Variants in SFT2D2 observed in about 807,000 individuals in gnomAD.
SFT2D2 encodes the protein vesicle transport protein SFT2B.
In SFT2D2, 21 loss-of-function variants were observed where a neutral mutation model predicts 27.4. The ratio of observed to expected loss-of-function variants is 0.77; its 90% CI spans 0.54 to 1.10. The LOEUF (loss-of-function observed/expected upper bound fraction) is 1.10, where lower values mean the gene tolerates loss of function less well. Ranked by LOEUF, SFT2D2 falls within the 50% of genes least tolerant of loss-of-function variation. SFT2D2 has a pLI of 0.00. For synonymous variants in SFT2D2, 72 were observed against 71.7 expected (o/e 1.00, Z -0.02); for missense variants, 187 against 194.2 (o/e 0.96, Z 0.22).
intron 1 of SFT2D2, among the ~76,000 whole-genome samples, chr1:168,230,099 G>A (rs1411006231): frequency 2.6e-5 from 4 of 152,070 alleles, no homozygotes; most frequent in African/African-American, 7.2e-5. Flanking sequence ...TTGGCAATAC[G>A]TGCCACACCT....
Position 168,229,184 on chromosome 1 carries a change from T to A in SFT2D2, c.64-2330T>A, listed in dbSNP as rs956341650. ...ACCAGAAACACATTCTTGGCTGAAC[T>A]GCTTCCTATTGTGGTTATTTTGATT... On this transcript the variant is annotated intron_variant, in intron 1 of 7. Coordinates refer to ENST00000271375, the MANE Select transcript of SFT2D2 (RefSeq NM_199344.3). Among the ~76,000 whole-genome samples, 12 of 152,176 alleles carry A rather than the reference T, an allele frequency of 7.9e-5. 1 individual carries two copies. The East Asian group carries it at 2.3e-3, about 29-fold the overall frequency.
At chr1:168,227,480 C>G (rs1237421392) in intron 1 of SFT2D2, among the ~76,000 whole-genome samples, 1 of 152,214 alleles carries the variant, frequency 6.6e-6, no homozygotes, top group Non-Finnish European at 1.5e-5. Context: ...AGATTGCTCT[C>G]TGAATCTTCA....
intron 3 of SFT2D2, among the ~76,000 whole-genome samples, chr1:168,232,133 G>A (rs756879872): frequency 2.0e-5 from 3 of 152,266 alleles, no homozygotes; most frequent in Non-Finnish European, 4.4e-5. Flanking sequence ...TTTTGCCATC[G>A]TGATTTTACA....
chr1:168,235,003 G>A (rs1485119767), intron 3 of SFT2D2, 98 bp from the exon 4 acceptor site: 4 of 1,038,396 alleles, frequency 3.9e-6, no homozygotes, highest in Non-Finnish European at 6.1e-6. Flanking sequence ...CTTTTCAAAT[G>A]TTAGCTACTA....
chr1:168,237,706 C>T (rs1292856246), intron 6 of SFT2D2, among the ~76,000 whole-genome samples: 1 of 152,188 alleles, frequency 6.6e-6, no homozygotes, highest in African/African-American at 2.4e-5. Context: ...ACTCCCATCC[C>T]TCCCTTTAGC....
chr1:168,235,053 A>G (rs772759025), intron 3 of SFT2D2, 48 bp from the exon 4 acceptor site: 3 of 1,520,828 alleles, frequency 2.0e-6, no homozygotes, highest in Non-Finnish European at 1.8e-6. Flanking sequence ...CAGTGTGCCT[A>G]GTGCAGTTCT....
intron 7 of SFT2D2, 134 bp from the exon 8 acceptor site, chr1:168,242,367 C>A: frequency 1.1e-6 from 1 of 894,654 alleles, no homozygotes; most frequent in Non-Finnish European, 1.9e-6. Flanking sequence ...GTTGAAGCTG[C>A]AGTTTGATGC....
At position 168,248,357 on chromosome 1, in the gene SFT2D2, C is replaced by G. The variant is rs909900065; in HGVS notation, c.*5817C>G. 2.6e-5 allele frequency: 4 copies of G among 152,278 alleles called. No individual in the cohort carries two copies. The highest frequency in any genetic ancestry group is 2.0e-4 in the Admixed American group (3 of 15,282). The allele number at this position is 152,278 out of a possible 1,614,324, so 9.4% of individuals were successfully genotyped here. Reference sequence around the variant, plus strand: ...AATTGAATACCCTTTATTTCTTTCTCTTGCCTGATTGCCCTGGCCAGAACT... The same window carrying G: ...AATTGAATACCCTTTATTTCTTTCTGTTGCCTGATTGCCCTGGCCAGAACT... On this transcript the variant is annotated 3_prime_UTR_variant, in exon 8 of 8. Transcript: ENST00000271375.
At chr1:168,237,926 C>G (rs1375383263) in intron 6 of SFT2D2, among the ~76,000 whole-genome samples, 2 of 149,962 alleles carry the variant, frequency 1.3e-5, no homozygotes, top group African/African-American at 4.9e-5. Context: ...GATTTTTCTT[C>G]CAGGGCAGAA....
chr1:168,233,702 A>G (rs1285722101), intron 3 of SFT2D2, among the ~76,000 whole-genome samples: 3 of 152,194 alleles, frequency 2.0e-5, no homozygotes, highest in African/African-American at 7.2e-5. Flanking sequence ...CTGAGCATAA[A>G]TATATGGGTG....
At position 168,251,758 on chromosome 1, in the gene SFT2D2, T is replaced by TG. The variant is rs1400900288; in HGVS notation, c.*9219dup. The TG allele has an allele frequency of 1.3e-5, 2 of 152,124 alleles. No individual in the cohort carries two copies. Among genetic ancestry groups the TG allele is most frequent in the African/African-American group, 4.8e-5 (2 of 41,432 alleles). 9.4% of individuals were successfully genotyped at this position (152,124 alleles called of 1,614,324 possible). On this transcript the variant is annotated 3_prime_UTR_variant, in exon 8 of 8. Transcript: ENST00000271375. ...AGCTTAAGATGTCCAGTAGTTTATTTGCAGACAGCATTTTTAAAAAGTGAA... is the reference window on the plus strand; with the variant it reads ...AGCTTAAGATGTCCAGTAGTTTATTTGGCAGACAGCATTTTTAAAAAGTGAA...
intron 4 of SFT2D2, among the ~76,000 whole-genome samples, chr1:168,236,234 A>G (rs912460637): frequency 6.6e-6 from 1 of 152,258 alleles, no homozygotes; most frequent in African/African-American, 2.4e-5. Context: ...TGCAGAGACT[A>G]GCATTTGGTA....
Position 168,244,075 on chromosome 1 carries a change from T to C in SFT2D2, c.*1535T>C, listed in dbSNP as rs1407214961. Reference sequence around the variant, plus strand: ...CTGGTCCACTAGGGCTCCTCCTCTGTCACTGCTAAACCAAAGGAAGTGGCC... The same window carrying C: ...CTGGTCCACTAGGGCTCCTCCTCTGCCACTGCTAAACCAAAGGAAGTGGCC... On this transcript the variant is annotated 3_prime_UTR_variant, in exon 8 of 8. Transcript: ENST00000271375. 2 of 152,432 alleles carry C rather than the reference T, an allele frequency of 1.3e-5. No homozygotes were observed. The highest frequency in any genetic ancestry group is 2.9e-5 in the Non-Finnish European group (2 of 68,236). 9.4% of individuals were successfully genotyped at this position (152,432 alleles called of 1,614,324 possible). A position where few individuals can be genotyped will look rare whatever the true frequency, so the allele number is the denominator to read the frequency against.
At chr1:168,232,014 A>G (rs1647335414) in intron 3 of SFT2D2, 95 bp downstream of exon 3, 2 of 954,876 alleles carry the variant, frequency 2.1e-6, no homozygotes, top group Middle Eastern at 2.1e-4. Context: ...AGGCTCCAGT[A>G]GTTGTAAGGA....
intron 7 of SFT2D2, among the ~76,000 whole-genome samples, chr1:168,239,457 GTTTTT>G (rs34187475): frequency 7.7e-6 from 1 of 129,508 alleles, no homozygotes; most frequent in Non-Finnish European, 1.7e-5. Context: ...TTTGAGTAGG[GTTTTT>G]TTTTTTTTTT....
chr1:168,232,862 G>T (rs1647365310), intron 3 of SFT2D2, among the ~76,000 whole-genome samples: 1 of 152,186 alleles, frequency 6.6e-6, no homozygotes. Flanking sequence ...GTCAGGGAGG[G>T]CTTCCTAGAG....
intron 7 of SFT2D2, among the ~76,000 whole-genome samples, chr1:168,239,647 C>T (rs564529491): frequency 6.6e-6 from 1 of 151,796 alleles, no homozygotes; most frequent in Admixed American, 6.6e-5. Context: ...TCTCTTGACC[C>T]CTCTGGCCTC....
At chr1:168,226,183 C>A in intron 1 of SFT2D2, 41 bp downstream of exon 1, 1 of 1,512,374 alleles carries the variant, frequency 6.6e-7, no homozygotes, top group South Asian at 1.3e-5. Context: ...TCGCCGCGCT[C>A]CCGCCCTGCG....
chr1:168,236,586 T>C lies in SFT2D2; in HGVS notation c.319-3T>C, dbSNP rs1647509717. On this transcript the variant is annotated splice_polypyrimidine_tract_variant and splice_region_variant and intron_variant, in intron 4 of 7. Coordinates refer to ENST00000271375, the MANE Select transcript of SFT2D2 (RefSeq NM_199344.3). ...TTAATTAATGTTTCCTTTCTTCCTT[T>C]AGTTGTGTTTTGCACTTACCCTGTG... 6.2e-7 allele frequency: 1 copy of C among 1,611,904 alleles called. No individual in the cohort carries two copies. Among genetic ancestry groups the C allele is most frequent in the Non-Finnish European group, 8.5e-7 (1 of 1,179,494 alleles).
Sources: allele counts gnomAD v4.1 joint callset (sites outside exome capture counted in the v4.1 genomes callset), GRCh38; gene constraint gnomAD v4.1.1; transcripts MANE v1.5; gene names NCBI Gene and HGNC (gene_info 2026-07-23, HGNC 2026-07-21).